Variants in MYO16 observed in about 807,000 individuals in gnomAD.
MYO16 encodes myosin XVI.
MYO16 carries 94 observed loss-of-function variants against 205.3 expected under a neutral mutation model. The ratio of observed to expected loss-of-function variants is 0.46; its 90% confidence interval spans 0.39 to 0.54. The LOEUF (loss-of-function observed/expected upper bound fraction) is 0.54. Among genes scored for constraint, MYO16 ranks in the 20% least tolerant of loss-of-function variants. The pLI, the probability that MYO16 is intolerant of heterozygous loss-of-function variation, is 0.00. For missense variants in MYO16, 2,315 were observed against 2,387.5 expected, an observed-to-expected ratio of 0.97 and a Z score of 0.63; for synonymous variants, 988 against 954.0, an observed-to-expected ratio of 1.04 and a Z score of -0.66.
At position 108,972,386 on chromosome 13, in the gene MYO16, A is replaced by C. The variant is rs1204488760; in HGVS notation, c.2369+7484A>C. 3.0e-5 allele frequency among the ~76,000 whole-genome samples: 2 copies of C among 66,500 alleles called. 1 individual carries two copies. The highest frequency in any genetic ancestry group is 3.4e-4 in the Admixed American group (2 of 5,956). The allele number at this position is 66,500 out of a possible 152,430, so 43.6% of individuals were successfully genotyped here. A position where few individuals can be genotyped will look rare whatever the true frequency, so the allele number is the denominator to read the frequency against. ...TATATATATATATATATATATATAT[A>C]TATATATATATAGTGGCTGGTAAGA... On this transcript the variant is annotated intron_variant, in intron 20 of 34. Coordinates refer to ENST00000457511, the MANE Select transcript of MYO16 (RefSeq NM_001198950.3).
intron 22 of MYO16, among the ~76,000 whole-genome samples, chr13:109,012,262 C>G (rs936149838): frequency 2.6e-5 from 4 of 152,118 alleles, no homozygotes; most frequent in African/African-American, 9.7e-5. Flanking sequence ...GGTCCACGGC[C>G]TGTGAGGAAA....
chr13:109,100,433 G>C lies in MYO16; in HGVS notation c.3336-352G>C, dbSNP rs533240855. On this transcript the variant is annotated intron_variant, in intron 27 of 34. Transcript: ENST00000457511. ...TAAAGAATGCTCAAATTTCTTAAGAGGTATGTTTTTAAAGAGCATGCCAAA... is the reference window on the plus strand; with the variant it reads ...TAAAGAATGCTCAAATTTCTTAAGACGTATGTTTTTAAAGAGCATGCCAAA... Among the ~76,000 whole-genome samples the C allele has an allele frequency of 1.1e-4, 16 of 152,208 alleles. No individual in the cohort carries two copies. In the South Asian group the frequency reaches 3.3e-3, roughly 32 times the overall value.
chr13:109,156,216 T>A (rs749078437), intron 32 of MYO16, among the ~76,000 whole-genome samples: 1 of 152,204 alleles, frequency 6.6e-6, no homozygotes, highest in Non-Finnish European at 1.5e-5. Context: ...CCAAATTTAA[T>A]TACGCACCAT....
At chr13:108,699,272 C>A (rs1454782551) in intron 2 of MYO16, among the ~76,000 whole-genome samples, 2 of 151,730 alleles carry the variant, frequency 1.3e-5, no homozygotes, top group African/African-American at 4.8e-5. Flanking sequence ...TTACAAATAA[C>A]ATTTTACTCA....
At chr13:109,056,617 T>A (rs547448193) in intron 27 of MYO16, among the ~76,000 whole-genome samples, 20 of 152,298 alleles carry the variant, frequency 1.3e-4, no homozygotes, top group Middle Eastern at 3.4e-3. Flanking sequence ...CATTCAGTGC[T>A]TGTAATATTA....
intron 1 of MYO16, among the ~76,000 whole-genome samples, chr13:108,605,470 C>T (rs541202189): frequency 1.3e-5 from 2 of 152,266 alleles, no homozygotes; most frequent in African/African-American, 4.8e-5. Flanking sequence ...TGAGGGTCCA[C>T]GTGGGAAGTG....
At chr13:109,151,242 G>C (rs1029928590) in intron 32 of MYO16, among the ~76,000 whole-genome samples, 1 of 151,904 alleles carries the variant, frequency 6.6e-6, no homozygotes, top group African/African-American at 2.4e-5. Flanking sequence ...CAACACAGCC[G>C]TCCACCATGT....
chr13:108,973,035 G>A (rs1401363087), intron 20 of MYO16, among the ~76,000 whole-genome samples: 1 of 151,986 alleles, frequency 6.6e-6, no homozygotes, highest in East Asian at 1.9e-4. Context: ...GGAGCATCTG[G>A]GAGCAGGTGG....
At chr13:109,009,569 TTGACTC>T (rs1885523187) in intron 22 of MYO16, among the ~76,000 whole-genome samples, 1 of 152,210 alleles carries the variant, frequency 6.6e-6, no homozygotes, top group Admixed American at 6.5e-5. Flanking sequence ...GAAAAACAAT[TTGACTC>T]TGTGTCTCTA....
At chr13:108,719,351 C>T (rs1028561896) in intron 3 of MYO16, among the ~76,000 whole-genome samples, 1 of 152,122 alleles carries the variant, frequency 6.6e-6, no homozygotes, top group East Asian at 1.9e-4. Context: ...CTTTAAGCAA[C>T]CCTAATAATT....
intron 34 of MYO16, among the ~76,000 whole-genome samples, chr13:109,193,320 T>C (rs1445847865): frequency 6.6e-6 from 1 of 152,226 alleles, no homozygotes; most frequent in Non-Finnish European, 1.5e-5. Flanking sequence ...CATTTATTAA[T>C]GATACAGAAG....
intron 4 of MYO16, among the ~76,000 whole-genome samples, chr13:108,766,296 G>C (rs760682865): frequency 1.3e-5 from 2 of 152,190 alleles, no homozygotes; most frequent in African/African-American, 4.8e-5. Context: ...ACTCAAGTAC[G>C]ATAGAGATAG....
intron 15 of MYO16, among the ~76,000 whole-genome samples, chr13:108,905,940 A>G (rs1178616884): frequency 1.3e-5 from 2 of 152,064 alleles, no homozygotes; most frequent in African/African-American, 4.8e-5. Context: ...CGAAGCTCTG[A>G]TTTCCCTCTG....
intron 33 of MYO16, among the ~76,000 whole-genome samples, chr13:109,172,274 G>A (rs879913669): frequency 1.2e-4 from 19 of 152,288 alleles, no homozygotes; most frequent in African/African-American, 2.2e-4. Flanking sequence ...AAGGAAGCAA[G>A]CCTCACTTGA....
intron 4 of MYO16, among the ~76,000 whole-genome samples, chr13:108,743,837 C>G (rs1044883502): frequency 6.6e-6 from 1 of 152,158 alleles, no homozygotes; most frequent in Non-Finnish European, 1.5e-5. Flanking sequence ...ATTGATAGAT[C>G]AAAATCCAAT....
chr13:108,712,867 G>T, intron 3 of MYO16, 136 bp downstream of exon 3: 3 of 628,526 alleles, frequency 4.8e-6, no homozygotes, highest in South Asian at 2.6e-5. Flanking sequence ...TAACAGGCTT[G>T]GATGATAAGC....
chr13:108,696,560 C>A lies in MYO16; in HGVS notation c.293-16101C>A, dbSNP rs538716379. 4.9e-4 allele frequency among the ~76,000 whole-genome samples: 75 copies of A among 152,196 alleles called. 1 individual carries two copies. In the South Asian group the frequency reaches 0.015, roughly 30 times the overall value. ...AACTATTATCATTGATGGTGGATTT[C>A]TTCAGAATAACGGGTTGTCCCTGGG... On this transcript the variant is annotated intron_variant, in intron 2 of 34. Transcript: ENST00000457511.
chr13:108,555,887 T>C, the MYO16 span, among the ~76,000 whole-genome samples: 1 of 152,206 alleles, frequency 6.6e-6, no homozygotes, highest in Non-Finnish European at 1.5e-5. Flanking sequence ...CTTACCATAA[T>C]GTGGTCCAAG....
At chr13:108,958,898 G>A (rs1883479662) in intron 17 of MYO16, among the ~76,000 whole-genome samples, 2 of 152,132 alleles carry the variant, frequency 1.3e-5, no homozygotes, top group South Asian at 4.1e-4. Context: ...GGGATAACTT[G>A]GACATGCCAG....
Sources: allele counts gnomAD v4.1 joint callset (sites outside exome capture counted in the v4.1 genomes callset), GRCh38; gene constraint gnomAD v4.1.1; transcripts MANE v1.5; gene names NCBI Gene and HGNC (gene_info 2026-07-23, HGNC 2026-07-21).